The following CNTNAP2 variants were observed in gnomAD, a reference collection of about 807,000 sequenced individuals.
CNTNAP2 encodes the protein contactin-associated protein-like 2.
CNTNAP2 carries 98 observed loss-of-function variants against 155.2 expected under a neutral mutation model. The ratio of observed to expected loss-of-function variants is 0.63; its 90% CI spans 0.54 to 0.75. The LOEUF is 0.75. Among genes scored for constraint, CNTNAP2 ranks in the 30% least tolerant of loss-of-function variants. The pLI, the probability that CNTNAP2 is intolerant of heterozygous loss-of-function variation, is 0.00. For synonymous variants in CNTNAP2, 651 were observed against 631.2 expected, an observed-to-expected ratio of 1.03 and a Z score of -0.47; for missense variants, 1,727 against 1,688.1, an observed-to-expected ratio of 1.02 and a Z score of -0.40.
At chr7:147,428,379 A>G (rs1019730950) in intron 10 of CNTNAP2, among the ~76,000 whole-genome samples, 1 of 152,014 alleles carries the variant, frequency 6.6e-6, no homozygotes, top group South Asian at 2.1e-4. Context: ...TTCATTTTTC[A>G]TCTAGACAGT....
At chr7:147,209,755 TC>T (rs1803105385) in intron 8 of CNTNAP2, among the ~76,000 whole-genome samples, 2 of 152,072 alleles carry the variant, frequency 1.3e-5, no homozygotes, top group South Asian at 2.1e-4. Flanking sequence ...TGAGGTATGT[TC>T]CTTTGATGCC....
At chr7:147,075,803 C>T in intron 4 of CNTNAP2, among the ~76,000 whole-genome samples, 1 of 151,996 alleles carries the variant, frequency 6.6e-6, no homozygotes, top group East Asian at 1.9e-4. Context: ...CACGATAGGC[C>T]CCAGTGTGTG....
At chr7:148,295,021 C>T (rs947106661) in intron 21 of CNTNAP2, among the ~76,000 whole-genome samples, 2 of 152,060 alleles carry the variant, frequency 1.3e-5, no homozygotes, top group South Asian at 2.1e-4. Flanking sequence ...AGTTAAGGAT[C>T]GAGAAATCAC....
intron 13 of CNTNAP2, among the ~76,000 whole-genome samples, chr7:147,887,131 A>G (rs1799615500): frequency 6.6e-6 from 1 of 152,222 alleles, no homozygotes; most frequent in Non-Finnish European, 1.5e-5. Context: ...CGACTATACA[A>G]TTAAGGCCAA....
intron 11 of CNTNAP2, among the ~76,000 whole-genome samples, chr7:147,538,929 C>T (rs989952700): frequency 6.6e-6 from 1 of 152,060 alleles, no homozygotes; most frequent in East Asian, 1.9e-4. Flanking sequence ...TTTGAACCGT[C>T]AGTACTCTTT....
intron 1 of CNTNAP2, among the ~76,000 whole-genome samples, chr7:146,434,155 C>CT (rs961922581): frequency 3.9e-5 from 6 of 151,976 alleles, no homozygotes; most frequent in African/African-American, 9.7e-5. Flanking sequence ...CATTAAACTG[C>CT]TTTTTTTATG....
chr7:147,218,370 C>A (rs528781741), intron 8 of CNTNAP2, among the ~76,000 whole-genome samples: 34 of 151,568 alleles, frequency 2.2e-4, no homozygotes, highest in Non-Finnish European at 4.3e-4. Flanking sequence ...ATGAATATTT[C>A]TCTTGAAATT....
At chr7:147,623,376 A>T (rs1173972302) in intron 12 of CNTNAP2, among the ~76,000 whole-genome samples, 3 of 152,082 alleles carry the variant, frequency 2.0e-5, no homozygotes, top group Non-Finnish European at 4.4e-5. Context: ...CCACAAAAAA[A>T]CTATTAGAAC....
intron 1 of CNTNAP2, among the ~76,000 whole-genome samples, chr7:146,425,403 C>T (rs1796073298): frequency 6.6e-6 from 1 of 152,140 alleles, no homozygotes; most frequent in South Asian, 2.1e-4. Context: ...TTAAAAACCC[C>T]TTTCCAATAA....
At chr7:148,054,223 C>T (rs1247721987) in intron 15 of CNTNAP2, among the ~76,000 whole-genome samples, 2 of 152,094 alleles carry the variant, frequency 1.3e-5, no homozygotes, top group African/African-American at 4.8e-5. Context: ...CCACCCGCCT[C>T]GGCCTCCCAT....
intron 1 of CNTNAP2, among the ~76,000 whole-genome samples, chr7:146,767,761 A>G (rs1802222698): frequency 6.6e-6 from 1 of 152,150 alleles, no homozygotes; most frequent in African/African-American, 2.4e-5. Context: ...TTAACCATTT[A>G]TTTTATGTTG....
chr7:147,960,970 A>C (rs1362445662), intron 14 of CNTNAP2, among the ~76,000 whole-genome samples: 1 of 152,180 alleles, frequency 6.6e-6, no homozygotes, highest in Non-Finnish European at 1.5e-5. Context: ...GGTGAAGTTA[A>C]CTCAAGACAA....
intron 1 of CNTNAP2, among the ~76,000 whole-genome samples, chr7:146,358,969 G>C (rs762022913): frequency 6.6e-6 from 1 of 152,196 alleles, no homozygotes; most frequent in Non-Finnish European, 1.5e-5. Flanking sequence ...AGATTTCACT[G>C]TTAGTCCTAA....
intron 8 of CNTNAP2, among the ~76,000 whole-genome samples, chr7:147,293,909 AAT>A (rs1296821658): frequency 6.6e-6 from 1 of 152,230 alleles, no homozygotes; most frequent in African/African-American, 2.4e-5. Flanking sequence ...TAGTTATAAA[AAT>A]ATAAAATGAG....
intron 13 of CNTNAP2, among the ~76,000 whole-genome samples, chr7:147,852,399 A>G (rs1290819995): frequency 6.6e-6 from 1 of 152,232 alleles, no homozygotes; most frequent in Non-Finnish European, 1.5e-5. Context: ...TCCTTGATCT[A>G]CGAGTGACTT....
chr7:147,379,671 TTG>T (rs1796500184), intron 9 of CNTNAP2, among the ~76,000 whole-genome samples: 1 of 152,124 alleles, frequency 6.6e-6, no homozygotes, highest in African/African-American at 2.4e-5. Context: ...ACAAATTTCC[TTG>T]TCATCCCTCT....
intron 2 of CNTNAP2, among the ~76,000 whole-genome samples, chr7:146,821,948 T>C (rs1222679748): frequency 6.6e-6 from 1 of 151,602 alleles, no homozygotes; most frequent in East Asian, 1.9e-4. Flanking sequence ...GAAATACCAT[T>C]TGACCCAGCC....
chr7:147,737,731 C>A (rs1420279951), intron 13 of CNTNAP2, among the ~76,000 whole-genome samples: 1 of 152,216 alleles, frequency 6.6e-6, no homozygotes, highest in African/African-American at 2.4e-5. Context: ...GCACCCCTCC[C>A]CCAGCCTCGC....
intron 12 of CNTNAP2, among the ~76,000 whole-genome samples, chr7:147,608,268 T>C (rs988915466): frequency 2.0e-5 from 3 of 152,008 alleles, no homozygotes; most frequent in Admixed American, 6.6e-5. Context: ...CATACTTTTA[T>C]GTTGCTCTGT....
Sources: gnomAD v4.1 joint callset for allele counts (sites outside exome capture counted in the v4.1 genomes callset) on GRCh38, gnomAD v4.1.1 for gene constraint, MANE v1.5 for transcripts, NCBI Gene and HGNC (gene_info 2026-07-23, HGNC 2026-07-21) for gene names.